Variants in RPF2 observed in about 807,000 individuals in gnomAD.
The protein encoded by RPF2 is brix domain containing 1.
RPF2 carries 21 observed loss-of-function variants against 38.9 expected under a neutral mutation model. That is an observed-to-expected ratio of 0.54 (90% confidence interval 0.38 to 0.78). RPF2 has a LOEUF of 0.78. Among genes scored for constraint, RPF2 ranks in the 30% least tolerant of loss-of-function variants. The probability of loss-of-function intolerance (pLI) is 0.00; values close to 1 mark genes in which losing one functional copy is unlikely to be tolerated. For missense variants in RPF2, 314 were observed against 358.1 expected, an observed-to-expected ratio of 0.88 and a Z score of 0.99; for synonymous variants, 121 against 126.2, an observed-to-expected ratio of 0.96 and a Z score of 0.28.
rs1001849143 is a variant in RPF2 at position 111,027,569 on chromosome 6, C to A, written c.*1987C>A. 2.0e-5 allele frequency: 3 copies of A among 152,214 alleles called. No homozygotes were observed. Among genetic ancestry groups the A allele is most frequent in the Non-Finnish European group, 2.9e-5 (2 of 68,058 alleles). The allele number at this position is 152,214 out of a possible 1,614,324, so 9.4% of individuals were successfully genotyped here. A position where few individuals can be genotyped will look rare whatever the true frequency, so the allele number is the denominator to read the frequency against. The stretch of plus-strand genomic sequence containing the variant: ...TACGGGACCCTGCCATGCCTGGACC[C>A]CTCTATCAGGAAGACCTACCCCAGC... On this transcript the variant is annotated 3_prime_UTR_variant, in exon 10 of 10. Coordinates refer to ENST00000441448, the MANE Select transcript of RPF2 (RefSeq NM_032194.3).
intron 8 of RPF2, among the ~76,000 whole-genome samples, chr6:111,016,805 G>C (rs1372027878): frequency 6.6e-6 from 1 of 150,872 alleles, no homozygotes; most frequent in Non-Finnish European, 1.5e-5. Context: ...AAGGTCTCTG[G>C]TTTTCCTAGG....
chr6:111,004,962 G>C (rs1367311262), intron 6 of RPF2, among the ~76,000 whole-genome samples: 1 of 151,654 alleles, frequency 6.6e-6, no homozygotes, highest in Non-Finnish European at 1.5e-5. Context: ...TATGCATTGT[G>C]GTCAGGATGG....
At position 111,024,172 on chromosome 6, in the gene RPF2, A is replaced by G. The variant is rs763367480; in HGVS notation, c.597-11A>G. The G allele has an allele frequency of 1.5e-5, 23 of 1,575,214 alleles. 1 individual carries two copies. In the East Asian group the frequency reaches 1.6e-4, roughly 11 times the overall value. On this transcript the variant is annotated splice_polypyrimidine_tract_variant and intron_variant, in intron 8 of 9. Transcript: ENST00000441448. ...GTCAAAGCAACATTTCTTTTTACCT[A>G]TTTCCTAAAGGTTGCTGTTGAAGAA...
chr6:110,994,393 T>C (rs1771672075), intron 4 of RPF2, among the ~76,000 whole-genome samples: 1 of 152,024 alleles, frequency 6.6e-6, no homozygotes. Context: ...TAGACCAGCC[T>C]AGGCAACATA....
chr6:111,003,831 C>T (rs1439674015), intron 6 of RPF2, among the ~76,000 whole-genome samples: 2 of 151,964 alleles, frequency 1.3e-5, no homozygotes, highest in Middle Eastern at 3.2e-3. Flanking sequence ...TCTCCCCCAC[C>T]GACGGAGTTT....
At chr6:110,994,734 T>TATATATATATATATATATATATATACAC (rs1436106936) in intron 4 of RPF2, among the ~76,000 whole-genome samples, 3 of 134,138 alleles carry the variant, frequency 2.2e-5, no homozygotes, top group African/African-American at 9.6e-5. Context: ...TGAGTATATA[T>TATATATATATATATATATATATATACAC]ACACACACAC....
At chr6:110,997,901 T>TC (rs971083026) in intron 5 of RPF2, among the ~76,000 whole-genome samples, 1 of 100,662 alleles carries the variant, frequency 9.9e-6, no homozygotes, top group African/African-American at 3.7e-5. Context: ...CTTTTCTTCT[T>TC]TTTTTTTTTT....
rs181678797 is a variant in RPF2 at position 110,999,729 on chromosome 6, A to G, written c.335A>G (p.His112Arg). 1.2e-4 allele frequency: 189 copies of G among 1,604,572 alleles called. 1 individual carries two copies. The East Asian group carries it at 3.4e-3, about 29-fold the overall frequency. The change falls in exon 6 of 10, where the codon CAT (histidine) becomes CGT (arginine). Residue 112 changes from histidine (H) to arginine (R), a missense_variant. By Grantham distance (29) the His-to-Arg change is conservative (BLOSUM62 0). Transcript: ENST00000441448. ...NLVIGRMYDY[H>R]VLDMIELGIE... Reference sequence around the variant, plus strand: ...CTTCCAGGTCGTATGTATGACTACCATGTGCTGGATATGATTGAATTAGGT... The same window carrying G: ...CTTCCAGGTCGTATGTATGACTACCGTGTGCTGGATATGATTGAATTAGGT...
At chr6:111,018,463 T>C (rs1194871769) in intron 8 of RPF2, among the ~76,000 whole-genome samples, 2 of 152,328 alleles carry the variant, frequency 1.3e-5, no homozygotes, top group East Asian at 3.9e-4. Context: ...TGTACAGTAG[T>C]GTTGTTTGTC....
At chr6:110,983,639 G>C (rs1194748607) in intron 1 of RPF2, among the ~76,000 whole-genome samples, 6 of 152,270 alleles carry the variant, frequency 3.9e-5, no homozygotes, top group African/African-American at 1.4e-4. Context: ...CCACCTCCCA[G>C]CCCTAGCTCA....
chr6:111,024,764 G>A (rs1245662798), intron 9 of RPF2, among the ~76,000 whole-genome samples: 1 of 150,090 alleles, frequency 6.7e-6, no homozygotes, highest in African/African-American at 2.4e-5. Context: ...GATTAAACTA[G>A]GACTCACAGA....
intron 2 of RPF2, among the ~76,000 whole-genome samples, chr6:110,987,559 A>G (rs1444366310): frequency 6.6e-6 from 1 of 152,164 alleles, no homozygotes; most frequent in Non-Finnish European, 1.5e-5. Flanking sequence ...AAGCAGCACA[A>G]TATTACAGAT....
At chr6:111,010,271 C>T (rs780284804) in intron 7 of RPF2, among the ~76,000 whole-genome samples, 7 of 151,798 alleles carry the variant, frequency 4.6e-5, no homozygotes, top group Non-Finnish European at 8.8e-5. Context: ...CAGGTTCACA[C>T]CACCATGCCC....
chr6:110,988,934 A>G, intron 2 of RPF2, 94 bp from the exon 3 acceptor site: 2 of 1,461,712 alleles, frequency 1.4e-6, no homozygotes, highest in Non-Finnish European at 1.8e-6. Flanking sequence ...GAGGCCCCAG[A>G]GCAATCTTGG....
Position 111,026,240 on chromosome 6 carries a change from T to G in RPF2, c.*658T>G, listed in dbSNP as rs1772326216. 3 of 152,422 alleles carry G rather than the reference T, an allele frequency of 2.0e-5. No homozygotes were observed. The highest frequency in any genetic ancestry group is 6.5e-5 in the Admixed American group (1 of 15,276). 9.4% of individuals were successfully genotyped at this position (152,422 alleles called of 1,614,324 possible). A position where few individuals can be genotyped will look rare whatever the true frequency, so the allele number is the denominator to read the frequency against. ...TTTGTTTTTAAGAGATGGGGTCTTG[T>G]TCTGTCACCTAGGGTGGAGTGCAGT... On this transcript the variant is annotated 3_prime_UTR_variant, in exon 10 of 10. Coordinates refer to ENST00000441448, the MANE Select transcript of RPF2 (RefSeq NM_032194.3).
At chr6:110,993,282 TC>T (rs1771652246) in intron 4 of RPF2, among the ~76,000 whole-genome samples, 2 of 147,372 alleles carry the variant, frequency 1.4e-5, no homozygotes, top group African/African-American at 2.6e-5. Context: ...TTTCTTAAGT[TC>T]ACTTGACCTT....
chr6:110,991,085 A>T (rs534667126), intron 3 of RPF2, among the ~76,000 whole-genome samples: 1 of 152,248 alleles, frequency 6.6e-6, no homozygotes, highest in South Asian at 2.1e-4. Context: ...CGTCTCTTAC[A>T]TAAAATGGCC....
chr6:111,004,621 C>T (rs995395363), intron 6 of RPF2, among the ~76,000 whole-genome samples: 3 of 151,664 alleles, frequency 2.0e-5, no homozygotes, highest in African/African-American at 7.3e-5. Flanking sequence ...TCTCAGCTCA[C>T]TGCAACCTCC....
chr6:111,008,232 CT>C, intron 7 of RPF2, 95 bp downstream of exon 7: 3 of 1,294,084 alleles, frequency 2.3e-6, no homozygotes, highest in Non-Finnish European at 2.0e-6. Flanking sequence ...TTTGTAACTT[CT>C]TTTTTCTCTT....
Sources: allele counts gnomAD v4.1 joint callset (sites outside exome capture counted in the v4.1 genomes callset), GRCh38; gene constraint gnomAD v4.1.1; transcripts MANE v1.5; gene names NCBI Gene and HGNC (gene_info 2026-07-23, HGNC 2026-07-21).